CEP89: variants seen among roughly 807,000 people sequenced by gnomAD.
The protein encoded by CEP89 is centrosomal protein of 89 kDa.
A neutral mutation model predicts 97.6 loss-of-function variants in CEP89; 95 were observed. That is an observed-to-expected ratio of 0.97 (90% CI 0.82 to 1.15). The LOEUF (loss-of-function observed/expected upper bound fraction) is 1.15. Among genes scored for constraint, CEP89 ranks in the 50% most tolerant of loss-of-function variants. CEP89 has a pLI of 0.00. For missense variants in CEP89, 869 were observed against 947.7 expected, an observed-to-expected ratio of 0.92 and a Z score of 1.09; for synonymous variants, 354 against 349.1, an observed-to-expected ratio of 1.01 and a Z score of -0.16.
chr19:32,936,281 G>A lies in CEP89; in HGVS notation c.667+1350C>T, dbSNP rs565935875. 3.3e-4 allele frequency among the ~76,000 whole-genome samples: 50 copies of A among 152,246 alleles called. No homozygotes were observed. The highest frequency in any genetic ancestry group is 1.2e-3 in the African/African-American group (49 of 41,554). ...AGTACTGACACGACAGCGCCCTGCC[G>A]CCTCAGCCCCCTCCAGACTTTGGGC... On this transcript the variant is annotated intron_variant, in intron 7 of 18. Transcript: ENST00000305768. The surrounding 1 kb of genome is among the most constrained non-coding windows in gnomAD (Gnocchi z 4.5).
intron 8 of CEP89, among the ~76,000 whole-genome samples, chr19:32,932,842 C>T (rs765427519): frequency 1.3e-5 from 2 of 151,834 alleles, no homozygotes; most frequent in Non-Finnish European, 2.9e-5. Flanking sequence ...CCCAGCTACT[C>T]AGGAGGCTGA....
In CEP89 at chr19:32,915,416, T is replaced by G. The variant is rs145305063; in HGVS notation, c.1486A>C (p.Lys496Gln). The G allele has an allele frequency of 1.2e-5, 20 of 1,613,924 alleles. No homozygotes were observed. The African/African-American group carries it at 2.0e-4, about 16-fold the overall frequency. The change falls in exon 14 of 19, where the codon AAA (lysine) becomes CAA (glutamine). Residue 496 changes from lysine to glutamine, a missense_variant. Lys to Gln is a moderately conservative substitution (Grantham distance 53, BLOSUM62 1). Transcript: ENST00000305768. Reference sequence around the variant, plus strand: ...GAGTGTGTTTTGAGTTCTTGGCATTTGGCACGTAAAATCTCCAGCTGTTCC... The same window carrying G: ...GAGTGTGTTTTGAGTTCTTGGCATTGGGCACGTAAAATCTCCAGCTGTTCC... Reference protein sequence around the residue: ...NREQLEILRAKCQELKTHSDG... With the variant: ...NREQLEILRAQCQELKTHSDG...
rs374968974 is a variant in CEP89, at chr19:32,940,881, C to T, written c.596-996G>A. 1.6e-4 allele frequency among the ~76,000 whole-genome samples: 25 copies of T among 152,184 alleles called. No homozygotes were observed. The East Asian group carries it at 3.9e-3, about 24-fold the overall frequency. ...GTTCAAATGATTCTCCTGCCTCAGC[C>T]TCCCAAGTAGCTGGGATTACAGGCA... is the stretch of plus-strand genomic sequence containing the variant. On this transcript the variant is annotated intron_variant, in intron 5 of 18. Transcript: ENST00000305768.
intron 16 of CEP89, 90 bp downstream of exon 16, chr19:32,899,766 AG>A (rs1160512160): frequency 7.6e-7 from 1 of 1,316,758 alleles, no homozygotes; most frequent in Non-Finnish European, 1.1e-6. Flanking sequence ...GCCTGGATAA[AG>A]CTTTTAATAG....
intron 7 of CEP89, 112 bp from the exon 8 acceptor site, chr19:32,933,781 G>T: frequency 1.4e-6 from 1 of 732,210 alleles, no homozygotes. Flanking sequence ...CATGTTCTTT[G>T]GTCCCTGGGA....
intron 4 of CEP89, among the ~76,000 whole-genome samples, chr19:32,951,534 T>TATATATACAC (rs1407110112): frequency 5.9e-4 from 72 of 122,034 alleles, no homozygotes; most frequent in African/African-American, 1.9e-3. Flanking sequence ...TATATATATA[T>TATATATACAC]ACACACACAC....
chr19:32,937,413 C>T (rs1384007112), intron 7 of CEP89: 1 of 523,390 alleles, frequency 1.9e-6, no homozygotes, highest in Non-Finnish European at 3.4e-6. Flanking sequence ...AGGTCCACGT[C>T]CCCCCAGGTC....
In CEP89 at chr19:32,942,040, CAAAAT is replaced by C. The variant is rs1012661350; in HGVS notation, c.596-2160_596-2156del. Among the ~76,000 whole-genome samples, 50 of 152,250 alleles carry C rather than the reference CAAAAT, an allele frequency of 3.3e-4. No individual in the cohort carries two copies. The East Asian group carries it at 4.8e-3, about 15-fold the overall frequency. On this transcript the variant is annotated intron_variant, in intron 5 of 18. Transcript: ENST00000305768. ...TTCTATGTCCCCCTTAAATTCTTCACAAAATAAAATTGGGGGAGCAGGGAGTTACA... is the reference window on the plus strand; with the variant it reads ...TTCTATGTCCCCCTTAAATTCTTCACAAAATTGGGGGAGCAGGGAGTTACA...
intron 3 of CEP89, among the ~76,000 whole-genome samples, chr19:32,955,621 C>G (rs2145962519): frequency 6.6e-6 from 1 of 152,266 alleles, no homozygotes; most frequent in Middle Eastern, 3.4e-3. Flanking sequence ...TCAAGTGATT[C>G]TCCTGCCTCA....
intron 3 of CEP89, among the ~76,000 whole-genome samples, chr19:32,957,848 T>C (rs184280136): frequency 2.3e-3 from 356 of 151,754 alleles, no homozygotes; most frequent in African/African-American, 8.5e-3. Flanking sequence ...ATAAATAAAT[T>C]AGCCAAGCAC....
At chr19:32,923,000 C>T (rs1031715431) in intron 12 of CEP89, among the ~76,000 whole-genome samples, 23 of 152,078 alleles carry the variant, frequency 1.5e-4, no homozygotes, top group African/African-American at 5.6e-4. Flanking sequence ...AGTGGGGCAA[C>T]CTCAGTTGTC....
intron 14 of CEP89, among the ~76,000 whole-genome samples, chr19:32,906,442 G>A (rs968275643): frequency 2.6e-5 from 4 of 152,222 alleles, no homozygotes; most frequent in African/African-American, 9.6e-5. Context: ...CAAACTCCAT[G>A]TGCCTTGTGC....
chr19:32,926,404 G>A, intron 10 of CEP89, 131 bp from the exon 11 acceptor site: 2 of 674,996 alleles, frequency 3.0e-6, no homozygotes, highest in South Asian at 1.8e-5. Context: ...GTTTTTTAAC[G>A]ACTCTCCCAG....
rs185299943 is a variant in CEP89 at position 32,904,067 on chromosome 19, G to A, written c.1566-2655C>T. Among the ~76,000 whole-genome samples, 50 of 152,306 alleles carry A rather than the reference G, an allele frequency of 3.3e-4. No individual in the cohort carries two copies. The East Asian group carries it at 9.3e-3, about 28-fold the overall frequency. ...CCCAGCTACTCGAGAGGCTGAGGCA[G>A]GAGGATCACTTGAGCCCAGGAGGTC... is the stretch of plus-strand genomic sequence containing the variant. On this transcript the variant is annotated intron_variant, in intron 14 of 18. Transcript: ENST00000305768.
chr19:32,959,067 A>G (rs1010527090), intron 3 of CEP89, among the ~76,000 whole-genome samples: 3 of 151,404 alleles, frequency 2.0e-5, no homozygotes, highest in African/African-American at 7.3e-5. Context: ...AAAACAGACA[A>G]ATGTGATCGT....
intron 11 of CEP89, among the ~76,000 whole-genome samples, chr19:32,925,141 C>G (rs1568563205): frequency 1.3e-5 from 2 of 152,106 alleles, no homozygotes. Flanking sequence ...ACCCTCCCAG[C>G]TCAGGATCCC....
At chr19:32,944,031 C>T (rs1484545114) in intron 5 of CEP89, among the ~76,000 whole-genome samples, 1 of 151,950 alleles carries the variant, frequency 6.6e-6, no homozygotes, top group Non-Finnish European at 1.5e-5. Context: ...AGTTCAAGAC[C>T]AGCCTGGGCA....
intron 5 of CEP89, among the ~76,000 whole-genome samples, chr19:32,942,839 C>A (rs1175446687): frequency 6.7e-6 from 1 of 149,606 alleles, no homozygotes; most frequent in Non-Finnish European, 1.5e-5. Context: ...CATGCTGGGT[C>A]TATTCCAGTC....
intron 4 of CEP89, among the ~76,000 whole-genome samples, chr19:32,951,110 T>C (rs949112878): frequency 6.6e-6 from 1 of 152,148 alleles, no homozygotes; most frequent in Non-Finnish European, 1.5e-5. Flanking sequence ...GCACTTATGA[T>C]TTACTCACTT....
Sources: allele counts gnomAD v4.1 joint callset (sites outside exome capture counted in the v4.1 genomes callset), GRCh38; gene constraint gnomAD v4.1.1; non-coding constraint Gnocchi (gnomAD v3.1); transcripts MANE v1.5; gene names NCBI Gene and HGNC (gene_info 2026-07-23, HGNC 2026-07-21).